The following CMIP variants were observed in gnomAD, a reference collection of about 807,000 sequenced individuals.
CMIP encodes C-Maf-inducing protein.
In CMIP, 13 loss-of-function variants were observed where a neutral mutation model predicts 97.3. The observed-to-expected ratio is 0.13, with a 90% confidence interval of 0.09 to 0.21. The LOEUF (loss-of-function observed/expected upper bound fraction) is 0.21, where lower values mean the gene tolerates loss of function less well. Ranked by LOEUF, CMIP falls within the 10% of genes least tolerant of loss-of-function variation. The pLI is 1.00. For missense variants in CMIP, 847 were observed against 1,024.9 expected, an observed-to-expected ratio of 0.83 and a Z score of 2.37; for synonymous variants, 538 against 436.3, an observed-to-expected ratio of 1.23 and a Z score of -2.91.
chr16:81,705,721 A>G, intron 19 of CMIP, 117 bp downstream of exon 19: 1 of 657,270 alleles, frequency 1.5e-6, no homozygotes, highest in Non-Finnish European at 2.6e-6. Context: ...AAATTCGTTC[A>G]TTCACAAACG....
intron 2 of CMIP, chr16:81,610,647 C>A: frequency 2.1e-6 from 1 of 484,896 alleles, no homozygotes; most frequent in Non-Finnish European, 2.7e-6. Flanking sequence ...CTCTCATCCT[C>A]ACCCCCACAC....
intron 1 of CMIP, among the ~76,000 whole-genome samples, chr16:81,532,603 C>G (rs969884983): frequency 1.3e-5 from 2 of 152,200 alleles, no homozygotes; most frequent in Non-Finnish European, 2.9e-5. Flanking sequence ...GAGAACCTTT[C>G]CCAGGTCCCG....
intron 1 of CMIP, among the ~76,000 whole-genome samples, chr16:81,532,690 C>A (rs867663908): frequency 6.6e-6 from 1 of 152,186 alleles, no homozygotes; most frequent in African/African-American, 2.4e-5. Flanking sequence ...CTCCAGGAGC[C>A]TCCAAGGAAG....
chr16:81,689,682 G>T (rs755568510), intron 10 of CMIP, among the ~76,000 whole-genome samples: 9 of 152,130 alleles, frequency 5.9e-5, no homozygotes, highest in Non-Finnish European at 1.0e-4. Context: ...GTCAATTTTG[G>T]CTTTTGTTGC....
chr16:81,688,790 T>C (rs1905715128), intron 10 of CMIP, among the ~76,000 whole-genome samples: 1 of 152,214 alleles, frequency 6.6e-6, no homozygotes, highest in Admixed American at 6.5e-5. Context: ...ATATATCTCC[T>C]AATGCTATCC....
chr16:81,623,933 G>A (rs1267596566), intron 3 of CMIP, among the ~76,000 whole-genome samples: 1 of 152,048 alleles, frequency 6.6e-6, no homozygotes, highest in African/African-American at 2.4e-5. Context: ...CCAGATCTGT[G>A]GGGCTGTCCT....
chr16:81,545,893 G>A (rs1326440436), intron 1 of CMIP, among the ~76,000 whole-genome samples: 1 of 152,148 alleles, frequency 6.6e-6, no homozygotes, highest in East Asian at 1.9e-4. Context: ...GCCTGTAAGA[G>A]AATTGCTAAA....
At chr16:81,488,447 G>C (rs11641399) in intron 1 of CMIP, among the ~76,000 whole-genome samples, 2,073 of 152,294 alleles carry the variant, frequency 0.014, 20 homozygotes, top group Non-Finnish European at 0.021. Flanking sequence ...AACTGGGCCC[G>C]ATGCACGGAG....
At chr16:81,478,689 C>T (rs1908077138) in intron 1 of CMIP, among the ~76,000 whole-genome samples, 1 of 152,162 alleles carries the variant, frequency 6.6e-6, no homozygotes, top group Admixed American at 6.5e-5. Flanking sequence ...AAGTTGGCAC[C>T]TGAGATAAAC....
At chr16:81,451,227 C>G (rs1347650237) in intron 1 of CMIP, among the ~76,000 whole-genome samples, 1 of 152,168 alleles carries the variant, frequency 6.6e-6, no homozygotes, top group African/African-American at 2.4e-5. Context: ...TTCCCCCATA[C>G]TGTTCTCTTG....
intron 1 of CMIP, among the ~76,000 whole-genome samples, chr16:81,604,995 C>T (rs2091718284): frequency 6.6e-6 from 1 of 152,158 alleles, no homozygotes; most frequent in South Asian, 2.1e-4. Context: ...CCCTCCTGTT[C>T]CCACAGTATA....
chr16:81,614,541 C>T lies in CMIP; in HGVS notation c.427-6335C>T, dbSNP rs1170407864. ...TGTGTGTGGTATATGCATTGGTTTC[C>T]CCAGTGGAAATGTGGCAGTGGAGGA... On this transcript the variant is annotated intron_variant, in intron 2 of 20. Coordinates refer to ENST00000537098, the MANE Select transcript of CMIP (RefSeq NM_198390.3). This position sits in a 1 kb window ranked among gnomAD's most constrained non-coding sequence, Gnocchi z 5.3. Among the ~76,000 whole-genome samples the T allele has an allele frequency of 6.6e-6, 1 of 151,964 alleles. No homozygotes were observed.
intron 1 of CMIP, among the ~76,000 whole-genome samples, chr16:81,449,964 C>T (rs1270143470): frequency 3.9e-5 from 6 of 152,374 alleles, no homozygotes; most frequent in African/African-American, 1.4e-4. Context: ...AATTTCACTG[C>T]ATGTGGCTGA....
intron 1 of CMIP, among the ~76,000 whole-genome samples, chr16:81,540,979 C>CTTT (rs35461140): frequency 2.1e-5 from 3 of 142,028 alleles, no homozygotes; most frequent in African/African-American, 7.8e-5. Flanking sequence ...TGCACCCGGC[C>CTTT]TTTTTTTTTT....
intron 1 of CMIP, among the ~76,000 whole-genome samples, chr16:81,506,195 A>T (rs1354579191): frequency 6.6e-6 from 1 of 152,166 alleles, no homozygotes; most frequent in African/African-American, 2.4e-5. Context: ...CCTGCAGCTC[A>T]CGTAGTTAGA....
At chr16:81,451,931 A>G (rs1429390484) in intron 1 of CMIP, among the ~76,000 whole-genome samples, 1 of 152,210 alleles carries the variant, frequency 6.6e-6, no homozygotes, top group Non-Finnish European at 1.5e-5. Context: ...TTCAACAGGC[A>G]CCGAGGGAGA....
At chr16:81,603,599 T>A (rs767512117) in intron 1 of CMIP, among the ~76,000 whole-genome samples, 16 of 152,286 alleles carry the variant, frequency 1.1e-4, no homozygotes, top group East Asian at 1.9e-4. Context: ...TTCCGTGATG[T>A]CCTTTTTCTG....
At position 81,504,897 on chromosome 16, in the gene CMIP, G is replaced by C. The variant is rs1484250535; in HGVS notation, c.300+59356G>C. On this transcript the variant is annotated intron_variant, in intron 1 of 20. Transcript: ENST00000537098. ...TTTTCAAAAATATTGGTTTACAGTG[G>C]ATTGGAAAGAAAATAAAAATGGGTC... 2.6e-5 allele frequency among the ~76,000 whole-genome samples: 4 copies of C among 152,308 alleles called. No homozygotes were observed. The East Asian group carries it at 7.7e-4, about 29-fold the overall frequency.
intron 1 of CMIP, among the ~76,000 whole-genome samples, chr16:81,584,381 G>C (rs913407931): frequency 1.3e-5 from 2 of 152,246 alleles, no homozygotes; most frequent in Admixed American, 1.3e-4. Flanking sequence ...CTGTGAGTCT[G>C]AAGCGTAGGA....
Sources: allele counts gnomAD v4.1 joint callset (sites outside exome capture counted in the v4.1 genomes callset), GRCh38; gene constraint gnomAD v4.1.1; non-coding constraint Gnocchi (gnomAD v3.1); transcripts MANE v1.5; gene names NCBI Gene and HGNC (gene_info 2026-07-23, HGNC 2026-07-21).